FRMPD4: variants seen among roughly 807,000 people sequenced by gnomAD.
FRMPD4 encodes the protein FERM and PDZ domain-containing protein 4.
In FRMPD4, 22 loss-of-function variants were observed where a neutral mutation model predicts 94.1. The ratio of observed to expected loss-of-function variants is 0.23; its 90% CI spans 0.17 to 0.33. FRMPD4 has a LOEUF of 0.33. Among genes scored for constraint, FRMPD4 ranks in the 10% least tolerant of loss-of-function variants. The probability of loss-of-function intolerance (pLI) is 1.00; values close to 1 mark genes in which losing one functional copy is unlikely to be tolerated. For missense variants in FRMPD4, 1,111 were observed against 1,339.9 expected, an observed-to-expected ratio of 0.83 and a Z score of 2.67; for synonymous variants, 631 against 548.6, an observed-to-expected ratio of 1.15 and a Z score of -2.10.
chrX:12,417,753 TAATCC>T (rs1456014700), intron 1 of FRMPD4, among the ~76,000 whole-genome samples: 1 of 108,946 alleles, frequency 9.2e-6, no homozygotes, highest in Admixed American at 9.8e-5. Flanking sequence ...CTCAAGCCTG[TAATCC>T]CAGCACTTTG....
chrX:12,417,089 T>C (rs1366200712), intron 1 of FRMPD4, among the ~76,000 whole-genome samples: 2 of 111,154 alleles, frequency 1.8e-5, no homozygotes, highest in East Asian at 5.6e-4. Context: ...ATAGCATGAG[T>C]GCATACTCTA....
intron 1 of FRMPD4, among the ~76,000 whole-genome samples, chrX:12,403,109 CT>C (rs2056626866): frequency 9.0e-6 from 1 of 111,167 alleles, no homozygotes; most frequent in Non-Finnish European, 1.9e-5. Flanking sequence ...CCAGAAAGGT[CT>C]TTTACAAAGG....
chrX:12,598,601 G>C (rs2059055398), intron 2 of FRMPD4, among the ~76,000 whole-genome samples: 1 of 111,410 alleles, frequency 9.0e-6, no homozygotes, highest in South Asian at 3.8e-4. Flanking sequence ...ATGAGATTCA[G>C]TTCACATGTA....
intron 2 of FRMPD4, among the ~76,000 whole-genome samples, chrX:12,586,905 A>G (rs746513371): frequency 9.4e-4 from 105 of 112,077 alleles, no homozygotes; most frequent in African/African-American, 3.4e-3. Context: ...GCAATGCTCC[A>G]AAGAGGCACT....
chrX:12,232,312 G>A (rs1259406598), intron 1 of FRMPD4, among the ~76,000 whole-genome samples: 1 of 111,795 alleles, frequency 8.9e-6, no homozygotes, highest in Non-Finnish European at 1.9e-5. Flanking sequence ...CAGGGCTGGG[G>A]AGGCCTCAGG....
chrX:12,657,842 T>C (rs1228961551), intron 4 of FRMPD4, among the ~76,000 whole-genome samples: 1 of 112,596 alleles, frequency 8.9e-6, no homozygotes, highest in Non-Finnish European at 1.9e-5. Context: ...GTTCTTAAAT[T>C]TAAGTCTAGC....
intron 1 of FRMPD4, among the ~76,000 whole-genome samples, chrX:12,271,348 C>T (rs990888776): frequency 5.3e-5 from 6 of 112,199 alleles, no homozygotes; most frequent in Non-Finnish European, 1.1e-4. Flanking sequence ...TCTTCCCCAC[C>T]CCACAGTGGT....
intron 2 of FRMPD4, among the ~76,000 whole-genome samples, chrX:12,594,897 ATACT>A (rs2059016937): frequency 8.9e-6 from 1 of 112,085 alleles, no homozygotes; most frequent in African/African-American, 3.2e-5. Context: ...CCCTTCACTG[ATACT>A]TACTAACTGT....
intron 1 of FRMPD4, among the ~76,000 whole-genome samples, chrX:12,233,287 G>A (rs898936983): frequency 1.8e-5 from 2 of 111,798 alleles, no homozygotes; most frequent in Non-Finnish European, 3.8e-5. Context: ...GTTAAATTTG[G>A]ACTTCAGTTA....
In FRMPD4 at chrX:12,184,215, A is replaced by G. The variant is rs148069787; in HGVS notation, c.41+45203A>G. 5.8e-3 allele frequency among the ~76,000 whole-genome samples: 649 copies of G among 111,304 alleles called. 3 individuals carry two copies. The highest frequency in any genetic ancestry group is 0.02 in the African/African-American group (605 of 30,673). On this transcript the variant is annotated intron_variant, in intron 1 of 16. Transcript: ENST00000675598. The stretch of plus-strand genomic sequence containing the variant: ...CTGATTTAAAATTTCCTACTGCTTT[A>G]GAGAATAGAAATAAAAAATCCTGAA...
chrX:12,585,636 T>C (rs1323569553), intron 2 of FRMPD4, among the ~76,000 whole-genome samples: 1 of 112,091 alleles, frequency 8.9e-6, no homozygotes, highest in Non-Finnish European at 1.9e-5. Context: ...ACCTTACTTA[T>C]TCCTAAACAC....
intron 3 of FRMPD4, among the ~76,000 whole-genome samples, chrX:12,058,107 T>C (rs1486658987): frequency 9.0e-6 from 1 of 111,637 alleles, no homozygotes; most frequent in African/African-American, 3.3e-5. Flanking sequence ...GCAGAACATG[T>C]AGTGGCCCGG....
intron 1 of FRMPD4, among the ~76,000 whole-genome samples, chrX:12,288,005 AC>A (rs1278934085): frequency 1.8e-5 from 2 of 111,619 alleles, no homozygotes; most frequent in African/African-American, 3.3e-5. Context: ...CACCCATCTG[AC>A]AAACATGCCC....
intron 1 of FRMPD4, among the ~76,000 whole-genome samples, chrX:12,200,997 C>A (rs12861851): frequency 0.22 from 24,186 of 111,583 alleles, 1,927 homozygotes; most frequent in South Asian, 0.28. Context: ...AGTTATCTAA[C>A]ACTTACAGAG....
chrX:12,369,009 C>CT (rs2056124757), intron 1 of FRMPD4, among the ~76,000 whole-genome samples: 2 of 111,196 alleles, frequency 1.8e-5, no homozygotes, highest in Admixed American at 1.9e-4. Flanking sequence ...TTTCCTTCCC[C>CT]TTTCCTCTGC....
intron 1 of FRMPD4, among the ~76,000 whole-genome samples, chrX:12,441,708 TGG>T (rs2057139034): frequency 2.7e-5 from 3 of 112,338 alleles, no homozygotes; most frequent in Admixed American, 1.9e-4. Context: ...AATAAATGAA[TGG>T]TGTAGTAGCA....
chrX:12,439,676 T>G (rs1229052454), intron 1 of FRMPD4, among the ~76,000 whole-genome samples: 2 of 112,082 alleles, frequency 1.8e-5, no homozygotes, highest in Non-Finnish European at 3.8e-5. Context: ...ATATCCAGCC[T>G]TATTCAAAGG....
intron 1 of FRMPD4, among the ~76,000 whole-genome samples, chrX:11,833,015 C>A (rs908753911): frequency 1.8e-5 from 2 of 112,380 alleles, no homozygotes; most frequent in Non-Finnish European, 3.8e-5. Context: ...CCTACTAACC[C>A]ATGATAACCC....
At chrX:12,427,756 T>C (rs1307969652) in intron 1 of FRMPD4, among the ~76,000 whole-genome samples, 1 of 111,347 alleles carries the variant, frequency 9.0e-6, no homozygotes, top group Non-Finnish European at 1.9e-5. Context: ...ACAAATATAT[T>C]TAACTCTCAT....
Sources: allele counts gnomAD v4.1 joint callset (sites outside exome capture counted in the v4.1 genomes callset), GRCh38; gene constraint gnomAD v4.1.1; transcripts MANE v1.5; gene names NCBI Gene and HGNC (gene_info 2026-07-23, HGNC 2026-07-21).